BPNT2: variants seen among roughly 807,000 people sequenced by gnomAD.
BPNT2 encodes Golgi-resident adenosine 3',5'-bisphosphate 3'-phosphatase.
BPNT2 carries 11 observed loss-of-function variants against 29.3 expected under a neutral mutation model. The observed-to-expected ratio is 0.38, with a 90% CI of 0.24 to 0.62. BPNT2 has a LOEUF of 0.62. Ranked by LOEUF, BPNT2 falls within the 20% of genes least tolerant of loss-of-function variation. The pLI is 0.62. For missense variants in BPNT2, 459 were observed against 473.4 expected (o/e 0.97, Z 0.28); for synonymous variants, 195 against 187.7 (o/e 1.04, Z -0.32).
chr8:56,972,486 G>C (rs1014920587), intron 3 of BPNT2, among the ~76,000 whole-genome samples: 1 of 151,770 alleles, frequency 6.6e-6, no homozygotes, highest in Non-Finnish European at 1.5e-5. Flanking sequence ...CACACCAACA[G>C]GTGCAAAAAC....
At chr8:56,972,154 G>T (rs115261304) in intron 3 of BPNT2, among the ~76,000 whole-genome samples, 23 of 151,716 alleles carry the variant, frequency 1.5e-4, no homozygotes, top group Non-Finnish European at 2.8e-4. Flanking sequence ...TTGTCTCTCC[G>T]GCAAACTGCT....
chr8:56,967,030 T>C, intron 3 of BPNT2: 1 of 395,238 alleles, frequency 2.5e-6, no homozygotes, highest in Non-Finnish European at 5.0e-6. Flanking sequence ...GAAGGGGATG[T>C]CAGAGATGGC....
intron 4 of BPNT2, among the ~76,000 whole-genome samples, chr8:56,965,002 A>T (rs933643275): frequency 1.3e-5 from 2 of 152,124 alleles, no homozygotes; most frequent in African/African-American, 4.8e-5. Context: ...TAGAACAGAA[A>T]ATTAAAATTA....
intron 3 of BPNT2, among the ~76,000 whole-genome samples, chr8:56,975,189 T>C (rs2129204766): frequency 6.6e-6 from 1 of 152,260 alleles, no homozygotes; most frequent in East Asian, 1.9e-4. Context: ...GGAGCCACCT[T>C]TGTGAACATG....
intron 3 of BPNT2, 62 bp from the exon 4 acceptor site, chr8:56,966,414 T>G: frequency 7.0e-7 from 1 of 1,426,826 alleles, no homozygotes; most frequent in Non-Finnish European, 9.9e-7. Flanking sequence ...GGTTATATTC[T>G]TCAGAACCCA....
At chr8:56,976,435 A>G (rs1362207968) in intron 3 of BPNT2, among the ~76,000 whole-genome samples, 1 of 152,198 alleles carries the variant, frequency 6.6e-6, no homozygotes, top group Non-Finnish European at 1.5e-5. Context: ...ATTAAGGAAA[A>G]TATGTGAAGG....
chr8:56,970,898 T>A (rs1029081565), intron 3 of BPNT2, among the ~76,000 whole-genome samples: 1 of 151,900 alleles, frequency 6.6e-6, no homozygotes, highest in Admixed American at 6.6e-5. Context: ...TAAAAAAAAA[T>A]GAAGAGAACA....
intron 1 of BPNT2, among the ~76,000 whole-genome samples, chr8:56,981,010 T>C (rs1278349605): frequency 6.6e-6 from 1 of 152,072 alleles, no homozygotes; most frequent in Non-Finnish European, 1.5e-5. Flanking sequence ...ATTGCTCAAT[T>C]TGGCACGACT....
intron 1 of BPNT2, among the ~76,000 whole-genome samples, chr8:56,984,770 GT>G (rs1243625656): frequency 6.6e-6 from 1 of 151,964 alleles, no homozygotes; most frequent in African/African-American, 2.4e-5. Context: ...CCTTCCAATG[GT>G]TTCTCATTAT....
chr8:56,993,556 T>C lies in BPNT2; in HGVS notation c.30A>G (p.Pro10=). 6.8e-7 allele frequency: 1 copy of C among 1,479,678 alleles called. No individual in the cohort carries two copies. The highest frequency in any genetic ancestry group is 2.9e-5 in the East Asian group (1 of 34,150). 91.7% of individuals were successfully genotyped at this position (1,479,678 alleles called of 1,614,324 possible). A position where few individuals can be genotyped will look rare whatever the true frequency, so the allele number is the denominator to read the frequency against. The change falls in exon 1 of 5, where the codon CCA becomes CCG. Residue 10 remains proline (P), a synonymous_variant. Transcript: ENST00000262644. MAPMGIRLS[P]LGVAVFCLLG... is the part of the protein sequence containing the mutation. ...GCAGGCAAAACACTGCCACCCCCAG[T>C]GGGGAAAGGCGGATGCCCATGGGGG... is the stretch of plus-strand genomic sequence containing the variant.
At position 56,993,396 on chromosome 8, in the gene BPNT2, G is replaced by A; in HGVS notation, c.190C>T (p.Arg64Cys). Residue 64 changes from arginine (R) to cysteine (C), a missense_variant, in exon 1 of 5, where the codon CGC (arginine) becomes TGC (cysteine). By Grantham distance (180) the Arg-to-Cys change is radical. Coordinates refer to ENST00000262644, the MANE Select transcript of BPNT2 (RefSeq NM_017813.5). ...AAADGGTVDL[R>C]EMLAVSVLAA... The stretch of plus-strand genomic sequence containing the variant: ...AGCACTGACACAGCCAGCATCTCGC[G>A]CAAGTCCACGGTGCCCCCATCGGCC... 6.2e-7 allele frequency: 1 copy of A among 1,607,062 alleles called. No individual in the cohort carries two copies. The highest frequency in any genetic ancestry group is 8.5e-7 in the Non-Finnish European group (1 of 1,179,200).
Position 56,963,011 on chromosome 8 carries a change from C to T in BPNT2, c.*782G>A, listed in dbSNP as rs1046643. Reference sequence around the variant, plus strand: ...AAACCGAACCTTACAAAGTTAAAGACTAAGTGTTGGTCAGAAGGAAAAGGA... The same window carrying T: ...AAACCGAACCTTACAAAGTTAAAGATTAAGTGTTGGTCAGAAGGAAAAGGA... On this transcript the variant is annotated 3_prime_UTR_variant, in exon 5 of 5. Coordinates refer to ENST00000262644, the MANE Select transcript of BPNT2 (RefSeq NM_017813.5). 10,191 of 152,272 alleles carry T rather than the reference C, an allele frequency of 0.067. 558 individuals are homozygous for T. The highest frequency in any genetic ancestry group is 0.27 in the East Asian group (1,389 of 5,172). 9.4% of individuals were successfully genotyped at this position (152,272 alleles called of 1,614,324 possible).
At chr8:56,992,931 C>T (rs1426567718) in intron 1 of BPNT2, among the ~76,000 whole-genome samples, 2 of 152,138 alleles carry the variant, frequency 1.3e-5, no homozygotes, top group African/African-American at 4.8e-5. Flanking sequence ...CTTTGTCAGC[C>T]TTTTCGTTTC....
chr8:56,990,638 C>T (rs962828583), intron 1 of BPNT2, among the ~76,000 whole-genome samples: 15 of 152,126 alleles, frequency 9.9e-5, no homozygotes, highest in Admixed American at 2.6e-4. Context: ...GATAATTCTT[C>T]GTCATAGGGG....
At chr8:56,992,688 A>AC (rs1301947997) in intron 1 of BPNT2, among the ~76,000 whole-genome samples, 16 of 71,386 alleles carry the variant, frequency 2.2e-4, no homozygotes, top group Non-Finnish European at 2.9e-4. Flanking sequence ...CTCATCCCCC[A>AC]CCCCCCCACC....
At chr8:56,967,365 T>TACCTACA (rs1289869706) in intron 3 of BPNT2, 4 of 402,528 alleles carry the variant, frequency 9.9e-6, no homozygotes, top group Non-Finnish European at 2.0e-5. Flanking sequence ...CCATGCTCTG[T>TACCTACA]ACCTACAGAG....
chr8:56,967,651 G>C (rs1473643734), intron 3 of BPNT2, among the ~76,000 whole-genome samples: 1 of 152,102 alleles, frequency 6.6e-6, no homozygotes, highest in African/African-American at 2.4e-5. Flanking sequence ...CAGCAGCTTG[G>C]AGGAGATACG....
At chr8:56,965,089 G>A (rs373916794) in intron 4 of BPNT2, among the ~76,000 whole-genome samples, 1 of 152,210 alleles carries the variant, frequency 6.6e-6, no homozygotes, top group African/African-American at 2.4e-5. Context: ...GGAGGCCACA[G>A]CAAGCAGACT....
rs946178652 is a variant in BPNT2, at chr8:56,993,746, G to A, written c.-161C>T. ...GCCCCATCACTCCCTCCCAGGAAAG[G>A]CCGAGTTGCGCCGCGAAGACCACCA... On this transcript the variant is annotated 5_prime_UTR_variant, in exon 1 of 5. Transcript: ENST00000262644. The A allele has an allele frequency of 2.2e-6, 2 of 908,626 alleles. No homozygotes were observed. Among genetic ancestry groups the A allele is most frequent in the Non-Finnish European group, 2.6e-6 (2 of 755,946 alleles). The allele number at this position is 908,626 out of a possible 1,614,324, so 56.3% of individuals were successfully genotyped here.
Sources: allele counts gnomAD v4.1 joint callset (sites outside exome capture counted in the v4.1 genomes callset), GRCh38; gene constraint gnomAD v4.1.1; transcripts MANE v1.5; gene names NCBI Gene and HGNC (gene_info 2026-07-23, HGNC 2026-07-21).